SNX29: variants seen among roughly 807,000 people sequenced by gnomAD.
SNX29 encodes the protein sorting nexin-29.
In SNX29, 78 loss-of-function variants were observed where a neutral mutation model predicts 102.1. That is an observed-to-expected ratio of 0.76 (90% CI 0.64 to 0.92). SNX29 has a LOEUF of 0.92. Ranked by LOEUF, SNX29 falls within the 40% of genes least tolerant of loss-of-function variation. SNX29 has a pLI of 0.00. For synonymous variants in SNX29, 580 were observed against 414.5 expected (o/e 1.40, Z -4.85); for missense variants, 1,280 against 1,061.7 (o/e 1.21, Z -2.86).
At chr16:12,306,537 C>T (rs2080344856) in intron 15 of SNX29, among the ~76,000 whole-genome samples, 2 of 152,282 alleles carry the variant, frequency 1.3e-5, no homozygotes, top group East Asian at 1.9e-4. Flanking sequence ...AAATCTTTGT[C>T]CTTTCCTGGC....
intron 19 of SNX29, among the ~76,000 whole-genome samples, chr16:12,497,086 G>T (rs1450283075): frequency 1.3e-5 from 2 of 152,146 alleles, no homozygotes; most frequent in Non-Finnish European, 2.9e-5. Context: ...TCAGCAGTCG[G>T]GACCTGCCCT....
At chr16:12,135,446 A>AG in intron 13 of SNX29, 6 of 1,190,582 alleles carry the variant, frequency 5.0e-6, no homozygotes, top group Non-Finnish European at 6.7e-6. Context: ...TCCATCCATG[A>AG]GGGCTTTACA....
At position 12,562,984 on chromosome 16, in the gene SNX29, G is replaced by C. The variant is rs80194485; in HGVS notation, c.2319-5522G>C. On this transcript the variant is annotated intron_variant, in intron 20 of 20. Coordinates refer to ENST00000566228, the MANE Select transcript of SNX29 (RefSeq NM_032167.5). ...CAACACAAGGGGTGAGGGCTGATGC[G>C]TAAGAAAAACTGCTTCAATGCGCCT... Among the ~76,000 whole-genome samples, 18 of 121,564 alleles carry C rather than the reference G, an allele frequency of 1.5e-4. 1 individual carries two copies. Among genetic ancestry groups the C allele is most frequent in the Admixed American group, 7.8e-4 (10 of 12,828 alleles). 79.8% of individuals were successfully genotyped at this position (121,564 alleles called of 152,430 possible).
At chr16:12,228,396 C>T (rs1407930660) in intron 14 of SNX29, among the ~76,000 whole-genome samples, 1 of 152,232 alleles carries the variant, frequency 6.6e-6, no homozygotes, top group East Asian at 1.9e-4. Context: ...AGTTGGCACT[C>T]GAGGTCAGGT....
chr16:12,114,244 C>T (rs1005515942), intron 11 of SNX29, among the ~76,000 whole-genome samples: 13 of 152,182 alleles, frequency 8.5e-5, no homozygotes, highest in African/African-American at 3.1e-4. Context: ...ACTCCAGCAT[C>T]CAGAGGTACA....
At chr16:12,225,343 C>G (rs2077582085) in intron 14 of SNX29, among the ~76,000 whole-genome samples, 1 of 152,078 alleles carries the variant, frequency 6.6e-6, no homozygotes, top group Middle Eastern at 3.2e-3. Context: ...CCCACAAGTC[C>G]CACGTGTTGT....
intron 19 of SNX29, among the ~76,000 whole-genome samples, chr16:12,523,253 T>C (rs1212415630): frequency 6.6e-6 from 1 of 152,292 alleles, no homozygotes; most frequent in Non-Finnish European, 1.5e-5. Flanking sequence ...CCACCTGATG[T>C]ATGGGGCCTC....
At position 12,572,945 on chromosome 16, in the gene SNX29, TTA is replaced by T. The variant is rs536083269; in HGVS notation, c.*4318_*4319del. 1.5e-3 allele frequency: 1,138 copies of T among 734,864 alleles called. 1 individual carries two copies. The highest frequency in any genetic ancestry group is 2.5e-3 in the Admixed American group (45 of 18,212). 45.5% of individuals were successfully genotyped at this position (734,864 alleles called of 1,614,324 possible). On this transcript the variant is annotated 3_prime_UTR_variant, in exon 21 of 21. Coordinates refer to ENST00000566228, the MANE Select transcript of SNX29 (RefSeq NM_032167.5). ...GTGTTTCTTCAAGGCAGGCATCTGCTTATGAGCAAGGTCAAAGATTTTTCAAA... is the reference window on the plus strand; with the variant it reads ...GTGTTTCTTCAAGGCAGGCATCTGCTTGAGCAAGGTCAAAGATTTTTCAAA...
chr16:12,039,948 A>C (rs1387431220), intron 4 of SNX29, among the ~76,000 whole-genome samples: 1 of 152,246 alleles, frequency 6.6e-6, no homozygotes, highest in Admixed American at 6.5e-5. Flanking sequence ...GTTAATGCTC[A>C]GTAAATAGTA....
chr16:12,519,711 A>T (rs1021872906), intron 19 of SNX29, among the ~76,000 whole-genome samples: 1 of 152,202 alleles, frequency 6.6e-6, no homozygotes, highest in Non-Finnish European at 1.5e-5. Flanking sequence ...TTTTTCAGCA[A>T]TCCGTGATGT....
At chr16:12,264,995 T>G (rs2078884488) in intron 14 of SNX29, among the ~76,000 whole-genome samples, 1 of 152,172 alleles carries the variant, frequency 6.6e-6, no homozygotes, top group South Asian at 2.1e-4. Flanking sequence ...ATCTGCTGTT[T>G]GGAATGAGCT....
At chr16:12,481,029 C>T (rs911825393) in intron 19 of SNX29, among the ~76,000 whole-genome samples, 8 of 152,222 alleles carry the variant, frequency 5.3e-5, no homozygotes, top group Non-Finnish European at 1.0e-4. Context: ...GAGAGACAAT[C>T]TGTCCCTGCT....
chr16:12,533,454 C>A (rs558053546), intron 20 of SNX29, among the ~76,000 whole-genome samples: 1 of 152,272 alleles, frequency 6.6e-6, no homozygotes, highest in Non-Finnish European at 1.5e-5. Flanking sequence ...TAATGTTGCA[C>A]CTCCCCACCC....
chr16:12,261,807 T>C (rs1307763050), intron 14 of SNX29, among the ~76,000 whole-genome samples: 4 of 117,152 alleles, frequency 3.4e-5, no homozygotes, highest in Admixed American at 9.0e-5. Context: ...TCTGTGCACG[T>C]GTCCCCGGCT....
chr16:12,506,168 C>G (rs1464855077), intron 19 of SNX29, among the ~76,000 whole-genome samples: 1 of 152,194 alleles, frequency 6.6e-6, no homozygotes, highest in East Asian at 1.9e-4. Context: ...ACCATGTTGA[C>G]CAGGCTGGTC....
chr16:12,348,394 T>G (rs934619558), intron 15 of SNX29, among the ~76,000 whole-genome samples: 7 of 152,352 alleles, frequency 4.6e-5, no homozygotes, highest in Middle Eastern at 3.4e-3. Context: ...GCCGAGGTTC[T>G]TACTTACTCT....
At position 12,129,734 on chromosome 16, in the gene SNX29, G is replaced by T; in HGVS notation, c.1571G>T (p.Gly524Val). 1 of 1,609,418 alleles carries T rather than the reference G, an allele frequency of 6.2e-7. No individual in the cohort carries two copies. The highest frequency in any genetic ancestry group is 8.5e-7 in the Non-Finnish European group (1 of 1,178,798). The part of the protein sequence containing the change: ...RKVAEQEERQ[G>V]MKVQALAREN... ...GTGGCTGAACAGGAGGAGCGGCAGG[G>T]CATGAAGGTCCAGGCGCTGGCCAGG... is the stretch of plus-strand genomic sequence containing the variant. Residue 524 changes from glycine (G) to valine (V), a missense_variant, in exon 13 of 21, where the codon GGC becomes GTC. Gly to Val is a moderately radical substitution (Grantham distance 109). Transcript: ENST00000566228.
In SNX29 at chr16:12,116,893, C is replaced by T. The variant is rs892806701; in HGVS notation, c.1403-9740C>T. ...TAGTCAATACCTGCTTCAACGCGGA[C>T]GAACCGTGGAAACAGGCACGGTCAA... On this transcript the variant is annotated intron_variant, in intron 11 of 20. Coordinates refer to ENST00000566228, the MANE Select transcript of SNX29 (RefSeq NM_032167.5). 1.5e-4 allele frequency among the ~76,000 whole-genome samples: 23 copies of T among 151,288 alleles called. 1 individual carries two copies. The Middle Eastern group carries it at 0.01, about 68-fold the overall frequency.
intron 19 of SNX29, among the ~76,000 whole-genome samples, chr16:12,511,279 A>T (rs1177788972): frequency 6.6e-6 from 1 of 152,216 alleles, no homozygotes; most frequent in Non-Finnish European, 1.5e-5. Flanking sequence ...TCCTGAGCTC[A>T]GGTGTGGAAC....
Sources: gnomAD v4.1 joint callset for allele counts (sites outside exome capture counted in the v4.1 genomes callset) on GRCh38, gnomAD v4.1.1 for gene constraint, MANE v1.5 for transcripts, NCBI Gene and HGNC (gene_info 2026-07-23, HGNC 2026-07-21) for gene names.